Variants in GRIK1 observed in about 807,000 individuals in gnomAD.
GRIK1 encodes glutamate ionotropic receptor kainate type subunit 1, also known as glutamate receptor ionotropic, kainate 1.
A neutral mutation model predicts 105.7 loss-of-function variants in GRIK1; 69 were observed. That is an observed-to-expected ratio of 0.65 (90% CI 0.54 to 0.80). The LOEUF (loss-of-function observed/expected upper bound fraction) is 0.80. Among genes scored for constraint, GRIK1 ranks in the 30% least tolerant of loss-of-function variants. GRIK1 has a pLI of 0.00. For synonymous variants in GRIK1, 438 were observed against 431.3 expected (o/e 1.02, Z -0.19); for missense variants, 1,109 against 1,167.3 (o/e 0.95, Z 0.73).
chr21:29,899,523 T>C lies in GRIK1; in HGVS notation c.118+39860A>G, dbSNP rs371616411. Among the ~76,000 whole-genome samples the C allele has an allele frequency of 4.8e-4, 72 of 149,794 alleles. No individual in the cohort carries two copies. The East Asian group carries it at 0.011, about 23-fold the overall frequency. ...AGGAAGTATAGTATCTATAGAGTGATAAGGCATGCTGCTTTACCTTTTTTT... is the reference window on the plus strand; with the variant it reads ...AGGAAGTATAGTATCTATAGAGTGACAAGGCATGCTGCTTTACCTTTTTTT... On this transcript the variant is annotated intron_variant, in intron 1 of 17. Coordinates refer to ENST00000327783, the MANE Select transcript of GRIK1 (RefSeq NM_001330994.2).
chr21:29,553,540 T>G, intron 16 of GRIK1: 2 of 1,538,048 alleles, frequency 1.3e-6, no homozygotes, highest in Non-Finnish European at 1.7e-6. Context: ...ATCTTTTTTT[T>G]TTTTTTTAAA....
At chr21:29,678,556 T>C (rs185977562) in intron 3 of GRIK1, among the ~76,000 whole-genome samples, 38 of 152,318 alleles carry the variant, frequency 2.5e-4, no homozygotes, top group African/African-American at 8.7e-4. Flanking sequence ...AAATATTGGT[T>C]TCCTGGGCAT....
chr21:29,568,972 T>G (rs1023449556), intron 14 of GRIK1, among the ~76,000 whole-genome samples: 2 of 152,242 alleles, frequency 1.3e-5, no homozygotes, highest in Admixed American at 6.5e-5. Context: ...CTTACCATCT[T>G]TTGCCTACCT....
At chr21:29,713,860 C>T (rs2064115911) in intron 1 of GRIK1, among the ~76,000 whole-genome samples, 1 of 152,162 alleles carries the variant, frequency 6.6e-6, no homozygotes, top group East Asian at 1.9e-4. Context: ...GCTGTACAGT[C>T]TTTGGTGTAG....
intron 1 of GRIK1, among the ~76,000 whole-genome samples, chr21:29,838,807 TGAAAAAA>T (rs1253072960): frequency 6.6e-6 from 1 of 152,138 alleles, no homozygotes; most frequent in Non-Finnish European, 1.5e-5. Flanking sequence ...ATGGTTTGCC[TGAAAAAA>T]GAAAACATGA....
intron 1 of GRIK1, among the ~76,000 whole-genome samples, chr21:29,705,880 T>G (rs148206412): frequency 0.028 from 4,301 of 151,180 alleles, 203 homozygotes; most frequent in African/African-American, 0.099. Flanking sequence ...TTTCTTTTTT[T>G]TTTTTTTTTG....
chr21:29,668,895 C>T (rs1440675055), intron 4 of GRIK1, among the ~76,000 whole-genome samples: 1 of 152,128 alleles, frequency 6.6e-6, no homozygotes, highest in Non-Finnish European at 1.5e-5. Flanking sequence ...CAATGGTTTC[C>T]ACATTGAAGG....
intron 1 of GRIK1, among the ~76,000 whole-genome samples, chr21:29,709,189 T>G (rs1382556425): frequency 3.3e-5 from 5 of 152,140 alleles, no homozygotes; most frequent in Admixed American, 3.3e-4. Flanking sequence ...TTGATCCATC[T>G]GTATAGTAGC....
chr21:29,839,777 A>G (rs1755732250), intron 1 of GRIK1, among the ~76,000 whole-genome samples: 1 of 152,134 alleles, frequency 6.6e-6, no homozygotes, highest in South Asian at 2.1e-4. Flanking sequence ...GGCAACAAAG[A>G]TAGAACTCAT....
At position 29,537,153 on chromosome 21, in the gene GRIK1, A is replaced by C; in HGVS notation, c.*77T>G. ...GGATATAGATATATGGAAACACATC[A>C]CACACTCCTCAGAAATCCTTTCTCC... On this transcript the variant is annotated 3_prime_UTR_variant, in exon 18 of 18. Transcript: ENST00000327783. The C allele has an allele frequency of 1.0e-6, 1 of 984,434 alleles. No individual in the cohort carries two copies. 61.0% of individuals were successfully genotyped at this position (984,434 alleles called of 1,614,324 possible).
At chr21:29,934,222 C>T (rs1210077895) in intron 1 of GRIK1, among the ~76,000 whole-genome samples, 2 of 152,152 alleles carry the variant, frequency 1.3e-5, no homozygotes, top group Non-Finnish European at 2.9e-5. Context: ...TCTGGAGAGT[C>T]CACTGATAAT....
At chr21:29,695,342 T>C (rs2063674023) in intron 1 of GRIK1, among the ~76,000 whole-genome samples, 1 of 152,180 alleles carries the variant, frequency 6.6e-6, no homozygotes, top group African/African-American at 2.4e-5. Flanking sequence ...GATTGACCAA[T>C]ACTCCTCATT....
chr21:29,652,728 A>T (rs928504662), intron 5 of GRIK1, among the ~76,000 whole-genome samples: 2 of 152,256 alleles, frequency 1.3e-5, no homozygotes, highest in Non-Finnish European at 2.9e-5. Flanking sequence ...TCAAGATAAC[A>T]TTTAACAGGA....
At position 29,689,735 on chromosome 21, in the gene GRIK1, G is replaced by A; in HGVS notation, c.537C>T (p.Asp179=). The stretch of plus-strand genomic sequence containing the variant: ...CTTGTGTGAGTCCCATACCTGTGCT[G>A]TCTTCATACACCACTGTCACTGTTT... ...NWKTVTVVYE[D]STGLIRLQEL... Residue 179 remains aspartate (D), a synonymous_variant, in exon 3 of 18, where the codon GAC becomes GAT. Transcript: ENST00000327783. 6.2e-7 allele frequency: 1 copy of A among 1,613,904 alleles called. No individual in the cohort carries two copies.
intron 7 of GRIK1, among the ~76,000 whole-genome samples, chr21:29,602,856 G>C (rs991636432): frequency 2.6e-5 from 4 of 152,186 alleles, no homozygotes; most frequent in Admixed American, 6.5e-5. Context: ...GCCATGGTCA[G>C]ATGTGCATTA....
At chr21:29,583,053 G>A (rs953225228) in intron 12 of GRIK1, among the ~76,000 whole-genome samples, 19 of 152,074 alleles carry the variant, frequency 1.2e-4, no homozygotes, top group Non-Finnish European at 2.6e-4. Flanking sequence ...AGTGTTCAGT[G>A]CCTCCTCATT....
chr21:29,826,956 T>C (rs1430843735), intron 1 of GRIK1, among the ~76,000 whole-genome samples: 1 of 152,076 alleles, frequency 6.6e-6, no homozygotes, highest in Non-Finnish European at 1.5e-5. Context: ...TCAAAGATAC[T>C]CTCATGGGAC....
chr21:29,939,539 G>T lies in GRIK1; in HGVS notation c.-39C>A. 7.4e-7 allele frequency: 1 copy of T among 1,351,042 alleles called. No homozygotes were observed. Among genetic ancestry groups the T allele is most frequent in the Non-Finnish European group, 1.0e-6 (1 of 981,498 alleles). The allele number at this position is 1,351,042 out of a possible 1,614,324, so 83.7% of individuals were successfully genotyped here. On this transcript the variant is annotated 5_prime_UTR_variant, in exon 1 of 18. Coordinates refer to ENST00000327783, the MANE Select transcript of GRIK1 (RefSeq NM_001330994.2). ...TAATTCATGCCGAGATACAGCCGCT[G>T]CCGGACGCCCGAGAGATGCACCCAA... is the stretch of plus-strand genomic sequence containing the variant.
rs369936597 is a variant in GRIK1 at position 29,561,736 on chromosome 21, G to A, written c.2244C>T (p.Tyr748=). The part of the protein sequence containing the change: ...EGIQRVLTTD[Y]ALLMESTSIE... ...TGCTGGTGGACTCCATCAGCAGCGC[G>A]TAGTCTGTGGTGAGCACTCTCTGGA... Residue 748 remains tyrosine, a synonymous_variant, in exon 15 of 18, where the codon TAC becomes TAT. Coordinates refer to ENST00000327783, the MANE Select transcript of GRIK1 (RefSeq NM_001330994.2). 29 of 1,613,548 alleles carry A rather than the reference G, an allele frequency of 1.8e-5. No individual in the cohort carries two copies. Among genetic ancestry groups the A allele is most frequent in the Middle Eastern group, 1.7e-4 (1 of 6,058 alleles).
Sources: gnomAD v4.1 joint callset for allele counts (sites outside exome capture counted in the v4.1 genomes callset) on GRCh38, gnomAD v4.1.1 for gene constraint, MANE v1.5 for transcripts, NCBI Gene and HGNC (gene_info 2026-07-23, HGNC 2026-07-21) for gene names.